Variants in DARS1 observed in about 807,000 individuals in gnomAD.
DARS1 encodes the protein aspartate--tRNA ligase, cytoplasmic.
A neutral mutation model predicts 68.8 loss-of-function variants in DARS1; 51 were observed. The ratio of observed to expected loss-of-function variants is 0.74; its 90% confidence interval spans 0.59 to 0.94. The LOEUF is 0.94. Among genes scored for constraint, DARS1 ranks in the 40% least tolerant of loss-of-function variants. The pLI, the probability that DARS1 is intolerant of heterozygous loss-of-function variation, is 0.00. For synonymous variants in DARS1, 203 were observed against 190.4 expected, an observed-to-expected ratio of 1.07 and a Z score of -0.55; for missense variants, 607 against 597.3, an observed-to-expected ratio of 1.02 and a Z score of -0.17.
At chr2:135,960,931 TA>T (rs1429169342) in intron 4 of DARS1, among the ~76,000 whole-genome samples, 2 of 152,256 alleles carry the variant, frequency 1.3e-5, no homozygotes, top group Admixed American at 6.5e-5. Flanking sequence ...CTAAAAGTTG[TA>T]AAACATTTGT....
intron 5 of DARS1, among the ~76,000 whole-genome samples, chr2:135,936,380 T>C (rs544661251): frequency 6.6e-6 from 1 of 151,802 alleles, no homozygotes; most frequent in African/African-American, 2.4e-5. Flanking sequence ...GAAATATATA[T>C]ATACACACAC....
Position 135,979,306 on chromosome 2 carries a change from AC to A in DARS1, c.184del (p.Val62TyrfsTer17). On this transcript the variant is annotated frameshift_variant, in exon 3 of 16. Transcript: ENST00000264161. LOFTEE classifies it high-confidence loss of function. ...TIQKADEVVW[V>X]RARVHTSRAK... ...TCTGCTTGTATGAACTCTTGCACGTACCCAAACAACTTCATCAGCTTTTTGT... is the reference window on the plus strand; with the variant it reads ...TCTGCTTGTATGAACTCTTGCACGTACCAAACAACTTCATCAGCTTTTTGT... 1 of 1,505,006 alleles carries A rather than the reference AC, an allele frequency of 6.6e-7. No homozygotes were observed. The highest frequency in any genetic ancestry group is 9.3e-7 in the Non-Finnish European group (1 of 1,080,176). The allele number at this position is 1,505,006 out of a possible 1,614,324, so 93.2% of individuals were successfully genotyped here. A position where few individuals can be genotyped will look rare whatever the true frequency, so the allele number is the denominator to read the frequency against.
At chr2:135,933,337 C>A (rs946021623) in intron 6 of DARS1, among the ~76,000 whole-genome samples, 3 of 152,116 alleles carry the variant, frequency 2.0e-5, no homozygotes, top group African/African-American at 7.2e-5. Flanking sequence ...GAGCAGTCTG[C>A]TAAAGATTCT....
intron 4 of DARS1, among the ~76,000 whole-genome samples, chr2:135,954,955 AT>A (rs1681937283): frequency 6.6e-6 from 1 of 152,046 alleles, no homozygotes; most frequent in Non-Finnish European, 1.5e-5. Flanking sequence ...GAAGTATTTC[AT>A]TATACTAGAT....
chr2:135,985,039 T>C (rs1030132944), intron 1 of DARS1: 1 of 298,182 alleles, frequency 3.4e-6, no homozygotes, highest in Non-Finnish European at 6.4e-6. Flanking sequence ...ACATATCGAT[T>C]ACTAGTGCTT....
chr2:135,927,424 CCCTTA>C (rs745967069), intron 7 of DARS1, among the ~76,000 whole-genome samples: 7 of 152,156 alleles, frequency 4.6e-5, no homozygotes, highest in African/African-American at 1.2e-4. Context: ...ACTATACTTA[CCCTTA>C]CCTTAAGATA....
At position 135,906,601 on chromosome 2, in the gene DARS1, G is replaced by GT. The variant is rs1337957337; in HGVS notation, c.*714dup. 3 of 152,110 alleles carry GT rather than the reference G, an allele frequency of 2.0e-5. No homozygotes were observed. The highest frequency in any genetic ancestry group is 7.2e-5 in the African/African-American group (3 of 41,422). 9.4% of individuals were successfully genotyped at this position (152,110 alleles called of 1,614,324 possible). A position where few individuals can be genotyped will look rare whatever the true frequency, so the allele number is the denominator to read the frequency against. Reference sequence around the variant, plus strand: ...GTCTTTATTTATATAAACTAGTTGTGTATTTTTTCTTTTACCAAATTATGA... The same window carrying GT: ...GTCTTTATTTATATAAACTAGTTGTGTTATTTTTTCTTTTACCAAATTATGA... On this transcript the variant is annotated 3_prime_UTR_variant, in exon 16 of 16. Coordinates refer to ENST00000264161, the MANE Select transcript of DARS1 (RefSeq NM_001349.4).
chr2:135,937,623 T>C (rs1469710221), intron 5 of DARS1, among the ~76,000 whole-genome samples: 1 of 152,226 alleles, frequency 6.6e-6, no homozygotes, highest in Non-Finnish European at 1.5e-5. Context: ...TTGCAGTGGC[T>C]GGTACTGGTT....
chr2:135,962,455 T>C (rs1233925067), intron 3 of DARS1, among the ~76,000 whole-genome samples: 1 of 152,166 alleles, frequency 6.6e-6, no homozygotes, highest in Non-Finnish European at 1.5e-5. Context: ...CTGAGCATTA[T>C]ATTTTACATT....
At chr2:135,914,208 GTA>G (rs1193905375) in intron 12 of DARS1, among the ~76,000 whole-genome samples, 1 of 152,092 alleles carries the variant, frequency 6.6e-6, no homozygotes, top group Non-Finnish European at 1.5e-5. Flanking sequence ...TCCGACATAG[GTA>G]TCACTTTTAG....
intron 3 of DARS1, among the ~76,000 whole-genome samples, chr2:135,972,873 G>C (rs544564841): frequency 6.6e-5 from 10 of 152,250 alleles, no homozygotes; most frequent in Non-Finnish European, 1.3e-4. Flanking sequence ...ACTACAATGA[G>C]GTATCATCTC....
rs192676442 is a variant in DARS1, at chr2:135,942,425, G to A, written c.423+953C>T. Among the ~76,000 whole-genome samples, 1,255 of 147,468 alleles carry A rather than the reference G, an allele frequency of 8.5e-3. 14 individuals carry two copies. Among genetic ancestry groups the A allele is most frequent in the African/African-American group, 0.028 (1,113 of 39,892 alleles). On this transcript the variant is annotated intron_variant, in intron 5 of 15. Transcript: ENST00000264161. ...AAGGGCAGAAAACCAAACACCGCAT[G>A]TTCTCACTCATAGGTGGGAATTGAA...
intron 2 of DARS1, among the ~76,000 whole-genome samples, chr2:135,980,837 G>A (rs1682614864): frequency 6.6e-6 from 1 of 152,160 alleles, no homozygotes. Flanking sequence ...CTAGCACTTT[G>A]GAGAAGAAAA....
intron 5 of DARS1, 24 bp downstream of exon 5, chr2:135,943,354 A>G (rs1456568324): frequency 1.2e-6 from 2 of 1,603,434 alleles, no homozygotes; most frequent in Non-Finnish European, 8.5e-7. Context: ...TCTATATGCG[A>G]TTTTATATTT....
chr2:135,907,238 C>CTTTGTTTTTTTTT lies in DARS1; in HGVS notation c.*77_*78insAAAAAAAAACAAA, dbSNP rs869183598. ...AGGTTACTGAAAAGAATAAGTGTGG[C>CTTTGTTTTTTTTT]TTTCTTTTTTTTTTTTTTTTTTTGA... On this transcript the variant is annotated 3_prime_UTR_variant, in exon 16 of 16. Transcript: ENST00000264161. 4 of 724,938 alleles carry CTTTGTTTTTTTTT rather than the reference C, an allele frequency of 5.5e-6. No homozygotes were observed. The highest frequency in any genetic ancestry group is 6.1e-6 in the Non-Finnish European group (3 of 491,688). 44.9% of individuals were successfully genotyped at this position (724,938 alleles called of 1,614,324 possible).
Position 135,939,174 on chromosome 2 carries a change from A to T in DARS1, c.423+4204T>A, listed in dbSNP as rs562622286. On this transcript the variant is annotated intron_variant, in intron 5 of 15. Coordinates refer to ENST00000264161, the MANE Select transcript of DARS1 (RefSeq NM_001349.4). ...CCAAGCGGACCTAATAGACATCTGC[A>T]GAACTCTCCACCCCAAATCAACAGA... Among the ~76,000 whole-genome samples the T allele has an allele frequency of 7.2e-5, 11 of 152,360 alleles. No individual in the cohort carries two copies. In the East Asian group the frequency reaches 1.7e-3, roughly 24 times the overall value.
chr2:135,956,490 G>C (rs1681980191), intron 4 of DARS1, among the ~76,000 whole-genome samples: 1 of 152,282 alleles, frequency 6.6e-6, no homozygotes, highest in African/African-American at 2.4e-5. Context: ...AGATACTGAG[G>C]GGGGATGACA....
intron 3 of DARS1, among the ~76,000 whole-genome samples, chr2:135,978,613 A>G (rs1682553601): frequency 6.6e-6 from 1 of 152,240 alleles, no homozygotes; most frequent in Non-Finnish European, 1.5e-5. Context: ...CTATAAGAAC[A>G]GGGTCTGTCT....
intron 4 of DARS1, among the ~76,000 whole-genome samples, chr2:135,960,118 C>CA (rs1166083632): frequency 6.6e-6 from 1 of 152,132 alleles, no homozygotes. Flanking sequence ...CACAAGCACA[C>CA]ACTCTAACCA....
Sources: allele counts gnomAD v4.1 joint callset (sites outside exome capture counted in the v4.1 genomes callset), GRCh38; gene constraint gnomAD v4.1.1; transcripts MANE v1.5; gene names NCBI Gene and HGNC (gene_info 2026-07-23, HGNC 2026-07-21).